Variants in ACACA observed in about 807,000 individuals in gnomAD.
ACACA encodes the protein acetyl-CoA carboxylase alpha.
Under a neutral mutation model 296.1 loss-of-function variants are expected in ACACA, and 103 were observed. The observed-to-expected ratio is 0.35, with a 90% CI of 0.30 to 0.41. The LOEUF (loss-of-function observed/expected upper bound fraction) is 0.41. Ranked by LOEUF, ACACA falls within the 10% of genes least tolerant of loss-of-function variation. The pLI, the probability that ACACA is intolerant of heterozygous loss-of-function variation, is 1.00. For missense variants in ACACA, 1,554 were observed against 2,989.7 expected (o/e 0.52, Z 11.20); for synonymous variants, 953 against 1,038.6 (o/e 0.92, Z 1.58).
At chr17:37,268,110 C>T (rs778555653) in intron 10 of ACACA, among the ~76,000 whole-genome samples, 13 of 152,282 alleles carry the variant, frequency 8.5e-5, no homozygotes, top group East Asian at 3.9e-4. Flanking sequence ...GAATATATTA[C>T]GCAGAATTAC....
intron 25 of ACACA, among the ~76,000 whole-genome samples, chr17:37,230,795 T>G (rs2079821438): frequency 6.6e-6 from 1 of 152,200 alleles, no homozygotes; most frequent in Non-Finnish European, 1.5e-5. Context: ...TACCTTTAGA[T>G]GGTGTCTAGG....
intron 52 of ACACA, among the ~76,000 whole-genome samples, chr17:37,106,748 C>A (rs1276135554): frequency 2.0e-5 from 3 of 152,066 alleles, no homozygotes; most frequent in South Asian, 2.1e-4. Context: ...GGTCAGGATA[C>A]GGGGATCTGG....
intron 1 of ACACA, among the ~76,000 whole-genome samples, chr17:37,350,548 A>G (rs945447706): frequency 6.6e-6 from 1 of 152,036 alleles, no homozygotes; most frequent in Admixed American, 6.6e-5. Context: ...AAACAAAAAA[A>G]TGTGTTTCGG....
At chr17:37,244,199 A>T (rs2080571532) in intron 21 of ACACA, among the ~76,000 whole-genome samples, 1 of 138,262 alleles carries the variant, frequency 7.2e-6, no homozygotes, top group African/African-American at 2.6e-5. Flanking sequence ...CACCTCTACT[A>T]AAAAAAAAAA....
At chr17:37,263,925 A>T in intron 10 of ACACA, 31 bp from the exon 11 acceptor site, 1 of 1,573,160 alleles carries the variant, frequency 6.4e-7, no homozygotes, top group Non-Finnish European at 8.7e-7. Flanking sequence ...AAAAAAAACC[A>T]ATTCTTAAAT....
At position 37,330,205 on chromosome 17, in the gene ACACA, A is replaced by G. The variant is rs761439117; in HGVS notation, c.306T>C (p.Ser102=). ...GSDTLSDLGI[S]SLQDGLALHI... is the part of the protein sequence containing the mutation. The stretch of plus-strand genomic sequence containing the variant: ...GCAAGGCCAAGCCATCCTGTAGGCT[A>G]GAGATCCCCAAATCAGAGAGTGTAT... Residue 102 remains serine (S), a synonymous_variant, in exon 3 of 56, where the codon TCT becomes TCC. Transcript: ENST00000616317. The G allele has an allele frequency of 6.2e-7, 1 of 1,614,222 alleles. No individual in the cohort carries two copies. Among genetic ancestry groups the G allele is most frequent in the Non-Finnish European group, 8.5e-7 (1 of 1,180,032 alleles).
At chr17:37,197,069 T>C (rs1433085821) in intron 35 of ACACA, among the ~76,000 whole-genome samples, 1 of 152,184 alleles carries the variant, frequency 6.6e-6, no homozygotes, top group Non-Finnish European at 1.5e-5. Context: ...TGAAGACTGC[T>C]GTCACAGAAA....
At chr17:37,139,940 A>G (rs925885794) in intron 45 of ACACA, among the ~76,000 whole-genome samples, 15 of 152,238 alleles carry the variant, frequency 9.9e-5, no homozygotes, top group Non-Finnish European at 1.5e-4. Flanking sequence ...AATTGGTCAT[A>G]TCACAAAACT....
chr17:37,149,933 C>T lies in ACACA; in HGVS notation c.5610G>A (p.Arg1870=). ...CAACCTGGATGGTTCTCTGTCCCAG[C>T]CGGACAAGGTAAGCCCCAATCCCAA... is the stretch of plus-strand genomic sequence containing the variant. ...RAIGIGAYLV[R]LGQRTIQVEN... The change falls in exon 45 of 56, where the codon CGG becomes CGA. Residue 1870 remains arginine (R), a synonymous_variant. Coordinates refer to ENST00000616317, the MANE Select transcript of ACACA (RefSeq NM_198834.3). 3 of 1,614,202 alleles carry T rather than the reference C, an allele frequency of 1.9e-6. No individual in the cohort carries two copies. Among genetic ancestry groups the T allele is most frequent in the South Asian group, 1.1e-5 (1 of 91,082 alleles).
At chr17:37,217,371 G>A (rs115522721) in intron 29 of ACACA, among the ~76,000 whole-genome samples, 1,728 of 151,514 alleles carry the variant, frequency 0.011, 39 homozygotes, top group African/African-American at 0.038. Context: ...ACGATGTGCT[G>A]GACAAATTTT....
intron 1 of ACACA, chr17:37,389,222 A>C: frequency 1.3e-6 from 2 of 1,559,894 alleles, no homozygotes; most frequent in Non-Finnish European, 1.7e-6. Context: ...CTTCATATTA[A>C]TACCAGTCAT....
At chr17:37,088,695 T>C (rs2072393775) in intron 55 of ACACA, among the ~76,000 whole-genome samples, 2 of 152,082 alleles carry the variant, frequency 1.3e-5, no homozygotes, top group African/African-American at 4.8e-5. Flanking sequence ...AGCTAAGAGG[T>C]GGGCACAGTG....
At chr17:37,391,871 G>C (rs1223979638) in intron 1 of ACACA, 1 of 750,672 alleles carries the variant, frequency 1.3e-6, no homozygotes, top group Non-Finnish European at 2.2e-6. Flanking sequence ...GGGAGAGTGT[G>C]GGCTTAGCAG....
Position 37,224,998 on chromosome 17 carries a change from G to A in ACACA, c.3468C>T (p.Asn1156=). The change falls in exon 27 of 56, where the codon AAC becomes AAT. Residue 1156 remains asparagine, a synonymous_variant. Coordinates refer to ENST00000616317, the MANE Select transcript of ACACA (RefSeq NM_198834.3). ...DMYGHQFCIE[N]LQKLILSETS... is the part of the protein sequence containing the mutation. ...TATATATATATATATATACCTGCAG[G>A]TTCTCAATGCAAAATTGATGTCCAT... 1 of 1,516,358 alleles carries A rather than the reference G, an allele frequency of 6.6e-7. No individual in the cohort carries two copies. The highest frequency in any genetic ancestry group is 9.1e-7 in the Non-Finnish European group (1 of 1,093,812). The allele number at this position is 1,516,358 out of a possible 1,614,324, so 93.9% of individuals were successfully genotyped here.
At chr17:37,168,705 A>AGCT (rs1208451766) in intron 41 of ACACA, among the ~76,000 whole-genome samples, 5 of 152,158 alleles carry the variant, frequency 3.3e-5, no homozygotes, top group African/African-American at 1.2e-4. Flanking sequence ...AAATATCAAG[A>AGCT]ACTACGTTAG....
At chr17:37,151,671 C>CT (rs550880189) in intron 43 of ACACA, among the ~76,000 whole-genome samples, 18 of 150,834 alleles carry the variant, frequency 1.2e-4, no homozygotes, top group African/African-American at 2.2e-4. Context: ...AGCCTTTTTT[C>CT]TTTTTTTTTG....
intron 41 of ACACA, among the ~76,000 whole-genome samples, chr17:37,173,658 A>T (rs2076957479): frequency 6.6e-6 from 1 of 152,034 alleles, no homozygotes; most frequent in African/African-American, 2.4e-5. Flanking sequence ...GAGACATAGG[A>T]TATCAGTACA....
At chr17:37,281,928 C>A (rs1336511484) in intron 5 of ACACA, among the ~76,000 whole-genome samples, 1 of 152,154 alleles carries the variant, frequency 6.6e-6, no homozygotes, top group Non-Finnish European at 1.5e-5. Context: ...CTCATCTTTA[C>A]AATTATCCAG....
At chr17:37,387,947 T>C (rs1163052536) in intron 1 of ACACA, 1 of 152,120 alleles carries the variant, frequency 6.6e-6, no homozygotes, top group East Asian at 1.9e-4. Flanking sequence ...GTAGGATCAC[T>C]TGAGGCCAGG....
Sources: gnomAD v4.1 joint callset for allele counts (sites outside exome capture counted in the v4.1 genomes callset) on GRCh38, gnomAD v4.1.1 for gene constraint, MANE v1.5 for transcripts, NCBI Gene and HGNC (gene_info 2026-07-23, HGNC 2026-07-21) for gene names.